PCDHA6: variants seen among roughly 807,000 people sequenced by gnomAD.
PCDHA6 encodes the protein protocadherin alpha-6.
Under a neutral mutation model 60.3 loss-of-function variants are expected in PCDHA6, and 55 were observed. That is an observed-to-expected ratio of 0.91 (90% CI 0.73 to 1.14). PCDHA6 has a LOEUF of 1.14. Among genes scored for constraint, PCDHA6 ranks in the 50% most tolerant of loss-of-function variants. The pLI is 0.00. For missense variants in PCDHA6, 1,327 were observed against 1,256.5 expected (o/e 1.06, Z -0.85); for synonymous variants, 652 against 557.9 (o/e 1.17, Z -2.38).
Position 140,829,594 on chromosome 5 carries a change from G to C in PCDHA6, c.1503G>C (p.Glu501Asp). The C allele has an allele frequency of 1.2e-6, 2 of 1,611,982 alleles. No individual in the cohort carries two copies. The highest frequency in any genetic ancestry group is 1.7e-6 in the Non-Finnish European group (2 of 1,179,774). The change falls in exon 1 of 4, where the codon GAG becomes GAC. Residue 501 changes from glutamate to aspartate, a missense_variant. Glu to Asp is a conservative substitution (Grantham distance 45). Coordinates refer to ENST00000529310, the MANE Select transcript of PCDHA6 (RefSeq NM_018909.4). ...SYSLVERRVG[E>D]RALSSYISVH... The stretch of plus-strand genomic sequence containing the variant: ...CGCTGGTGGAGCGGCGGGTGGGCGA[G>C]CGCGCGTTGTCGAGCTACATTTCGG...
At chr5:140,939,590 C>G (rs1385974524) in intron 1 of PCDHA6, among the ~76,000 whole-genome samples, 1 of 152,052 alleles carries the variant, frequency 6.6e-6, no homozygotes, top group African/African-American at 2.4e-5. Flanking sequence ...TTTTAACATA[C>G]CTTGCTCAAA....
chr5:140,877,674 G>C, intron 1 of PCDHA6: 2 of 1,613,630 alleles, frequency 1.2e-6, no homozygotes, highest in East Asian at 4.5e-5. Context: ...GGTGCGCGCC[G>C]GGCAAGCCCA....
chr5:140,851,840 T>G, intron 1 of PCDHA6: 1 of 970,530 alleles, frequency 1.0e-6, no homozygotes, highest in South Asian at 4.8e-5. Context: ...TAAAAATATC[T>G]TTTTCTCCTC....
chr5:140,987,214 A>G (rs78124050), intron 3 of PCDHA6, among the ~76,000 whole-genome samples: 3 of 131,916 alleles, frequency 2.3e-5, no homozygotes, highest in Admixed American at 2.2e-4. Context: ...ACTCCATCTC[A>G]AAAAAAAAAA....
At chr5:140,866,644 T>A (rs531566613) in intron 1 of PCDHA6, 14 of 152,184 alleles carry the variant, frequency 9.2e-5, no homozygotes, top group Non-Finnish European at 1.6e-4. Context: ...GTGTCAAAAT[T>A]TATTTATGTG....
intron 3 of PCDHA6, among the ~76,000 whole-genome samples, chr5:140,999,702 T>A (rs78322991): frequency 6.6e-6 from 1 of 152,136 alleles, no homozygotes; most frequent in South Asian, 2.1e-4. Context: ...GATTTTTTTT[T>A]AGCTAACTAC....
chr5:140,856,704 C>T, intron 1 of PCDHA6: 1 of 1,596,654 alleles, frequency 6.3e-7, no homozygotes, highest in Non-Finnish European at 8.6e-7. Context: ...GGAGGCAAAC[C>T]TGAATTTACC....
At chr5:140,943,529 A>T (rs1291911076) in intron 1 of PCDHA6, among the ~76,000 whole-genome samples, 1 of 152,220 alleles carries the variant, frequency 6.6e-6, no homozygotes, top group Non-Finnish European at 1.5e-5. Context: ...TCAGTATGCA[A>T]AATGTCATGT....
At chr5:140,851,277 A>G in intron 1 of PCDHA6, 1 of 1,055,352 alleles carries the variant, frequency 9.5e-7, no homozygotes, top group East Asian at 4.9e-5. Context: ...TGTATTGTTT[A>G]TAAGAAACCC....
chr5:140,988,751 T>C (rs1433769306), intron 3 of PCDHA6, among the ~76,000 whole-genome samples: 2 of 152,198 alleles, frequency 1.3e-5, no homozygotes, highest in Non-Finnish European at 2.9e-5. Flanking sequence ...ATTGGTGGCC[T>C]GGGCAGAATA....
chr5:140,916,060 C>G (rs1554197265), intron 1 of PCDHA6, among the ~76,000 whole-genome samples: 1 of 152,174 alleles, frequency 6.6e-6, no homozygotes, highest in Non-Finnish European at 1.5e-5. Flanking sequence ...GGTGCCTCTC[C>G]CTGTGGCCAG....
rs181377286 is a variant in PCDHA6 at position 140,886,682 on chromosome 5, G to C, written c.2394+56197G>C. Among the ~76,000 whole-genome samples, 463 of 151,736 alleles carry C rather than the reference G, an allele frequency of 3.1e-3. 3 individuals carry two copies. Among genetic ancestry groups the C allele is most frequent in the Middle Eastern group, 0.014 (4 of 294 alleles). The stretch of plus-strand genomic sequence containing the variant: ...CTCTACTAAAAATACAAAAATTAGC[G>C]AGGCATGGTGGCACGCGCCTGTAAT... On this transcript the variant is annotated intron_variant, in intron 1 of 3. Coordinates refer to ENST00000529310, the MANE Select transcript of PCDHA6 (RefSeq NM_018909.4).
intron 1 of PCDHA6, among the ~76,000 whole-genome samples, chr5:140,942,466 A>G (rs1269455545): frequency 2.0e-5 from 3 of 152,266 alleles, no homozygotes; most frequent in African/African-American, 7.2e-5. Flanking sequence ...TAATACAATC[A>G]AATTCAAGCT....
At chr5:140,915,683 G>A (rs1052949485) in intron 1 of PCDHA6, among the ~76,000 whole-genome samples, 1 of 150,776 alleles carries the variant, frequency 6.6e-6, no homozygotes, top group African/African-American at 2.4e-5. Context: ...TTGAACTAGG[G>A]GTATGGTGAT....
At position 140,828,687 on chromosome 5, in the gene PCDHA6, C is replaced by T; in HGVS notation, c.596C>T (p.Ser199Phe). The T allele has an allele frequency of 6.2e-7, 1 of 1,614,206 alleles. No individual in the cohort carries two copies. The highest frequency in any genetic ancestry group is 8.5e-7 in the Non-Finnish European group (1 of 1,180,042). The stretch of plus-strand genomic sequence containing the variant: ...CAAATTGGGCTCTTATTAAAGAAAT[C>T]CTTGGACAGAGAGGAAGCTCCTGCA... Reference protein sequence around the residue: ...NKQIGLLLKKSLDREEAPAHN... With the variant: ...NKQIGLLLKKFLDREEAPAHN... The change falls in exon 1 of 4, where the codon TCC (serine) becomes TTC (phenylalanine). Residue 199 changes from serine (S) to phenylalanine (F), a missense_variant. By Grantham distance (155) the Ser-to-Phe change is radical (BLOSUM62 -2). Transcript: ENST00000529310.
intron 3 of PCDHA6, among the ~76,000 whole-genome samples, chr5:141,003,515 G>C (rs1402480495): frequency 1.3e-5 from 2 of 152,114 alleles, no homozygotes; most frequent in Admixed American, 6.5e-5. Flanking sequence ...GTTTCACCAT[G>C]TTCCCTAGGC....
chr5:140,854,117 G>T, intron 1 of PCDHA6: 1 of 316,936 alleles, frequency 3.2e-6, no homozygotes, highest in Non-Finnish European at 4.3e-6. Flanking sequence ...AACTGTGATG[G>T]CACAACTGCA....
intron 1 of PCDHA6, among the ~76,000 whole-genome samples, chr5:140,875,000 C>A (rs2055209641): frequency 3.3e-5 from 5 of 152,130 alleles, no homozygotes; most frequent in Admixed American, 3.3e-4. Flanking sequence ...TATCATTTTC[C>A]ATGATAAAGT....
chr5:140,928,807 C>G (rs782261335), intron 1 of PCDHA6: 1 of 1,614,094 alleles, frequency 6.2e-7, no homozygotes, highest in Admixed American at 1.7e-5. Context: ...GGTAGTGGTT[C>G]GGGACCATGG....
Sources: allele counts gnomAD v4.1 joint callset (sites outside exome capture counted in the v4.1 genomes callset), GRCh38; gene constraint gnomAD v4.1.1; transcripts MANE v1.5; gene names NCBI Gene and HGNC (gene_info 2026-07-23, HGNC 2026-07-21).